The following ADAMTS16 variants were observed in gnomAD, a reference collection of about 807,000 sequenced individuals.
ADAMTS16 encodes ADAM metallopeptidase with thrombospondin type 1 motif 16.
Under a neutral mutation model 145.8 loss-of-function variants are expected in ADAMTS16, and 94 were observed. The observed-to-expected ratio is 0.64, with a 90% CI of 0.55 to 0.77. The LOEUF is 0.77. Among genes scored for constraint, ADAMTS16 ranks in the 30% least tolerant of loss-of-function variants. The pLI is 0.00. For missense variants in ADAMTS16, 1,585 were observed against 1,591.5 expected, an observed-to-expected ratio of 1.00 and a Z score of 0.07; for synonymous variants, 659 against 604.3, an observed-to-expected ratio of 1.09 and a Z score of -1.33.
chr5:5,276,082 C>G (rs969674580), intron 18 of ADAMTS16, among the ~76,000 whole-genome samples: 1 of 151,840 alleles, frequency 6.6e-6, no homozygotes, highest in Non-Finnish European at 1.5e-5. Context: ...TGGTCTTGAA[C>G]TCCTGACCTC....
At chr5:5,230,371 C>T (rs1180457816) in intron 11 of ADAMTS16, among the ~76,000 whole-genome samples, 2 of 152,148 alleles carry the variant, frequency 1.3e-5, no homozygotes, top group Admixed American at 6.5e-5. Flanking sequence ...ACTCACTAGA[C>T]ATTTGATGAT....
chr5:5,198,465 C>T (rs142043707), intron 8 of ADAMTS16, among the ~76,000 whole-genome samples: 23 of 152,250 alleles, frequency 1.5e-4, no homozygotes, highest in African/African-American at 4.6e-4. Flanking sequence ...CCTTCAATCA[C>T]GTTCAGGTTA....
intron 18 of ADAMTS16, among the ~76,000 whole-genome samples, chr5:5,288,602 C>A (rs145641489): frequency 1.1e-4 from 17 of 152,238 alleles, no homozygotes; most frequent in African/African-American, 3.6e-4. Context: ...GTAATGAATT[C>A]TTTACTTATC....
intron 11 of ADAMTS16, among the ~76,000 whole-genome samples, chr5:5,229,677 A>T (rs550837524): frequency 5.9e-5 from 9 of 152,332 alleles, no homozygotes; most frequent in African/African-American, 2.2e-4. Context: ...AAACATTTCC[A>T]AAAGAAACAT....
chr5:5,268,617 G>A (rs1027055782), intron 18 of ADAMTS16, among the ~76,000 whole-genome samples: 3 of 152,064 alleles, frequency 2.0e-5, no homozygotes, highest in Non-Finnish European at 2.9e-5. Context: ...TCTCCTTCCC[G>A]TCTTTGTTAA....
At chr5:5,147,079 C>G (rs1817433) in intron 3 of ADAMTS16, among the ~76,000 whole-genome samples, 151,757 of 152,306 alleles carry the variant, frequency 1, 75,626 homozygotes, top group Middle Eastern at 1. Flanking sequence ...ACGCTAGAGC[C>G]GGGGGCTTAT....
intron 6 of ADAMTS16, among the ~76,000 whole-genome samples, chr5:5,189,319 T>C (rs908625579): frequency 6.6e-6 from 1 of 152,208 alleles, no homozygotes; most frequent in African/African-American, 2.4e-5. Flanking sequence ...AGAGTTCCAA[T>C]GTTCTACGCT....
Position 5,186,040 on chromosome 5 carries a change from G to T in ADAMTS16, c.764-12G>T. The T allele has an allele frequency of 1.9e-6, 3 of 1,605,988 alleles. No individual in the cohort carries two copies. Among genetic ancestry groups the T allele is most frequent in the Non-Finnish European group, 2.6e-6 (3 of 1,175,502 alleles). ...TTGTGCTTCCATTTGCCCTCCATGT[G>T]TCCCTCCATAGACATGCCCCAGCCT... On this transcript the variant is annotated splice_polypyrimidine_tract_variant and intron_variant, in intron 4 of 22. Coordinates refer to ENST00000274181, the MANE Select transcript of ADAMTS16 (RefSeq NM_139056.4).
chr5:5,199,736 G>T (rs936358879), intron 8 of ADAMTS16, among the ~76,000 whole-genome samples: 1 of 152,198 alleles, frequency 6.6e-6, no homozygotes, highest in Non-Finnish European at 1.5e-5. Flanking sequence ...CTGGGTAGAA[G>T]CCTGGCATCT....
intron 10 of ADAMTS16, among the ~76,000 whole-genome samples, 182 bp downstream of exon 10, chr5:5,209,428 T>C (rs1225006686): frequency 6.6e-6 from 1 of 152,222 alleles, no homozygotes; most frequent in Admixed American, 6.5e-5. Context: ...CGACAGGAGA[T>C]ACTGTTGTGG....
chr5:5,207,147 A>G (rs184843169), intron 9 of ADAMTS16, among the ~76,000 whole-genome samples: 1 of 152,194 alleles, frequency 6.6e-6, no homozygotes, highest in Admixed American at 6.5e-5. Context: ...GGAAGAACTA[A>G]TCTCCTGACA....
At chr5:5,211,419 AATG>A (rs1460938307) in intron 10 of ADAMTS16, among the ~76,000 whole-genome samples, 1 of 152,164 alleles carries the variant, frequency 6.6e-6, no homozygotes, top group Non-Finnish European at 1.5e-5. Context: ...CATTCCTCAT[AATG>A]ATAATATGTA....
At chr5:5,213,082 C>T (rs1736322012) in intron 10 of ADAMTS16, among the ~76,000 whole-genome samples, 1 of 152,212 alleles carries the variant, frequency 6.6e-6, no homozygotes. Flanking sequence ...ATCCCTCTTC[C>T]TTGCACTATC....
At chr5:5,221,530 T>C (rs761746157) in intron 10 of ADAMTS16, among the ~76,000 whole-genome samples, 1 of 152,158 alleles carries the variant, frequency 6.6e-6, no homozygotes, top group Non-Finnish European at 1.5e-5. Context: ...ATTGTAACCA[T>C]ATGAGATTTT....
At chr5:5,298,772 T>C (rs867037759) in intron 18 of ADAMTS16, among the ~76,000 whole-genome samples, 3 of 152,358 alleles carry the variant, frequency 2.0e-5, no homozygotes, top group Middle Eastern at 3.4e-3. Flanking sequence ...GACAAGGTTG[T>C]AGTGTCTTCA....
At chr5:5,280,470 A>T (rs1045780471) in intron 18 of ADAMTS16, among the ~76,000 whole-genome samples, 1 of 152,154 alleles carries the variant, frequency 6.6e-6, no homozygotes, top group South Asian at 2.1e-4. Flanking sequence ...TTTGTATTCC[A>T]GGGGTGCATC....
intron 9 of ADAMTS16, 96 bp from the exon 10 acceptor site, chr5:5,208,996 GT>G: frequency 7.3e-7 from 1 of 1,372,040 alleles, no homozygotes; most frequent in Non-Finnish European, 1.0e-6. Flanking sequence ...CACAATATAT[GT>G]TGTAAAATTA....
chr5:5,301,500 T>C (rs926524288), intron 18 of ADAMTS16, among the ~76,000 whole-genome samples: 1 of 152,224 alleles, frequency 6.6e-6, no homozygotes, highest in South Asian at 2.1e-4. Context: ...GTGATGTTCA[T>C]AGAAGGGATC....
chr5:5,303,824 C>A (rs749872550), intron 20 of ADAMTS16, 58 bp downstream of exon 20: 5 of 1,565,412 alleles, frequency 3.2e-6, no homozygotes, highest in Non-Finnish European at 4.4e-6. Flanking sequence ...GGGACTGCCT[C>A]TTCTCTCCTG....
Sources: gnomAD v4.1 joint callset for allele counts (sites outside exome capture counted in the v4.1 genomes callset) on GRCh38, gnomAD v4.1.1 for gene constraint, MANE v1.5 for transcripts, NCBI Gene and HGNC (gene_info 2026-07-23, HGNC 2026-07-21) for gene names.